The following PNLIPRP1 variants were observed in gnomAD, a reference collection of about 807,000 sequenced individuals.
PNLIPRP1 encodes pancreatic lipase related protein 1.
Under a neutral mutation model 54.6 loss-of-function variants are expected in PNLIPRP1, and 57 were observed. The observed-to-expected ratio is 1.04, with a 90% confidence interval of 0.84 to 1.30. The LOEUF is 1.30. PNLIPRP1 is among the 50% of genes most tolerant of loss of function. The pLI is 0.00. For synonymous variants in PNLIPRP1, 232 were observed against 208.8 expected, an observed-to-expected ratio of 1.11 and a Z score of -0.96; for missense variants, 567 against 568.5, an observed-to-expected ratio of 1.00 and a Z score of 0.03.
chr10:116,595,531 A>T (rs888291077), intron 5 of PNLIPRP1: 1 of 152,926 alleles, frequency 6.5e-6, no homozygotes, highest in Non-Finnish European at 1.5e-5. Context: ...TGCAGAAATC[A>T]AAACCCATGG....
intron 6 of PNLIPRP1, among the ~76,000 whole-genome samples, chr10:116,596,807 A>G (rs1167531657): frequency 6.6e-6 from 1 of 152,180 alleles, no homozygotes; most frequent in Non-Finnish European, 1.5e-5. Flanking sequence ...TAACCCAATC[A>G]AAGCATTTGA....
intron 12 of PNLIPRP1, among the ~76,000 whole-genome samples, chr10:116,606,676 G>C (rs1847941772): frequency 6.6e-6 from 1 of 152,116 alleles, no homozygotes; most frequent in South Asian, 2.1e-4. Context: ...CACAGGTAAG[G>C]CATACAAGTC....
At chr10:116,592,339 G>C (rs573694924) in intron 3 of PNLIPRP1, 77 bp from the exon 4 acceptor site, 2 of 1,483,374 alleles carry the variant, frequency 1.3e-6, no homozygotes, top group Non-Finnish European at 1.8e-6. Flanking sequence ...AGGCATTGGC[G>C]CAGGCGGAGA....
intron 10 of PNLIPRP1, 23 bp downstream of exon 10, chr10:116,601,224 G>A: frequency 1.9e-6 from 3 of 1,604,974 alleles, no homozygotes; most frequent in Non-Finnish European, 1.7e-6. Flanking sequence ...TTGACTACCT[G>A]CCCATGTAAA....
At chr10:116,597,804 T>C (rs782768520) in intron 6 of PNLIPRP1, 24 bp from the exon 7 acceptor site, 1 of 1,614,114 alleles carries the variant, frequency 6.2e-7, no homozygotes, top group Non-Finnish European at 8.5e-7. Flanking sequence ...TCTATTGTTC[T>C]GCAGTGCTGA....
intron 8 of PNLIPRP1, among the ~76,000 whole-genome samples, chr10:116,598,660 G>A (rs1336250481): frequency 6.6e-6 from 1 of 152,192 alleles, no homozygotes; most frequent in African/African-American, 2.4e-5. Context: ...CCCATGTTGA[G>A]TAGGAATGAG....
chr10:116,596,209 T>C lies in PNLIPRP1; in HGVS notation c.466-5T>C. 1 of 1,590,650 alleles carries C rather than the reference T, an allele frequency of 6.3e-7. No individual in the cohort carries two copies. The highest frequency in any genetic ancestry group is 8.6e-7 in the Non-Finnish European group (1 of 1,159,228). On this transcript the variant is annotated splice_polypyrimidine_tract_variant and splice_region_variant and intron_variant, in intron 5 of 12. Coordinates refer to ENST00000358834, the MANE Select transcript of PNLIPRP1 (RefSeq NM_006229.4). ...TGTCCTGAAAATACAATCTTCCCTC[T>C]CCAGACAGAGTATAGCTACCCCCCT...
chr10:116,603,019 G>T (rs1202487123), intron 10 of PNLIPRP1, among the ~76,000 whole-genome samples: 1 of 151,828 alleles, frequency 6.6e-6, no homozygotes, highest in Non-Finnish European at 1.5e-5. Context: ...TATATGTATT[G>T]TGTGTGCACA....
At chr10:116,593,335 A>C (rs996520473) in intron 4 of PNLIPRP1, 2 of 148,226 alleles carry the variant, frequency 1.3e-5, no homozygotes, top group Non-Finnish European at 3.0e-5. Context: ...ACACACACAA[A>C]CACACACACA....
chr10:116,592,582 C>G, intron 4 of PNLIPRP1, 41 bp downstream of exon 4: 1 of 1,611,256 alleles, frequency 6.2e-7, no homozygotes. Context: ...CTGAGGCCAA[C>G]ACTTCTGCTA....
chr10:116,600,413 T>G, intron 9 of PNLIPRP1: 1 of 408,416 alleles, frequency 2.4e-6, no homozygotes, highest in Middle Eastern at 7.3e-4. Context: ...GTCAATTCAA[T>G]GATATAGAGG....
At chr10:116,596,183 A>C in intron 5 of PNLIPRP1, 31 bp from the exon 6 acceptor site, 1 of 1,445,130 alleles carries the variant, frequency 6.9e-7, no homozygotes. Flanking sequence ...ACAGCAAAAA[A>C]TGTCCTGAAA....
chr10:116,595,357 A>C, intron 5 of PNLIPRP1: 1 of 158,344 alleles, frequency 6.3e-6, no homozygotes. Flanking sequence ...TGCCACAATC[A>C]TTTCACTTAT....
chr10:116,592,991 A>G, intron 4 of PNLIPRP1: 1 of 308,664 alleles, frequency 3.2e-6, no homozygotes, highest in South Asian at 2.9e-5. Context: ...AACATGGTGA[A>G]ACCCTATCTC....
intron 12 of PNLIPRP1, among the ~76,000 whole-genome samples, chr10:116,606,087 G>A (rs1003192907): frequency 3.3e-5 from 5 of 152,214 alleles, no homozygotes; most frequent in Non-Finnish European, 7.3e-5. Context: ...GAAAGTTGGA[G>A]TGGTGACCTG....
intron 12 of PNLIPRP1, among the ~76,000 whole-genome samples, chr10:116,606,290 T>A (rs1449884850): frequency 2.0e-5 from 3 of 152,018 alleles, no homozygotes; most frequent in South Asian, 2.1e-4. Context: ...CAGAGTAGAA[T>A]GGGGGCTGAC....
intron 4 of PNLIPRP1, chr10:116,593,803 C>A (rs1338795605): frequency 2.6e-5 from 4 of 152,638 alleles, no homozygotes; most frequent in African/African-American, 9.7e-5. Context: ...ACTAAAAGTA[C>A]AAAAATTAGC....
At chr10:116,603,229 C>T (rs1353547582) in intron 10 of PNLIPRP1, among the ~76,000 whole-genome samples, 4 of 152,134 alleles carry the variant, frequency 2.6e-5, no homozygotes, top group African/African-American at 4.8e-5. Flanking sequence ...ACACAGTCCC[C>T]GCCCTCGAGG....
At chr10:116,595,032 A>T (rs1847711371) in intron 5 of PNLIPRP1, 168 bp downstream of exon 5, 1 of 737,846 alleles carries the variant, frequency 1.4e-6, no homozygotes, top group South Asian at 2.1e-5. Context: ...CAGTGGAAGC[A>T]AAAATAAGAA....
Sources: allele counts gnomAD v4.1 joint callset (sites outside exome capture counted in the v4.1 genomes callset), GRCh38; gene constraint gnomAD v4.1.1; transcripts MANE v1.5; gene names NCBI Gene and HGNC (gene_info 2026-07-23, HGNC 2026-07-21).